Variants in TSPAN5 observed in about 807,000 individuals in gnomAD.
TSPAN5 encodes the protein tetraspanin 5.
TSPAN5 carries 10 observed loss-of-function variants against 37.1 expected under a neutral mutation model. The ratio of observed to expected loss-of-function variants is 0.27; its 90% CI spans 0.17 to 0.46. The LOEUF is 0.46. Ranked by LOEUF, TSPAN5 falls within the 20% of genes least tolerant of loss-of-function variation. TSPAN5 has a pLI of 1.00. For synonymous variants in TSPAN5, 110 were observed against 118.9 expected (o/e 0.93, Z 0.48); for missense variants, 195 against 326.6 (o/e 0.60, Z 3.11).
intron 1 of TSPAN5, among the ~76,000 whole-genome samples, chr4:98,584,759 C>T (rs1432432699): frequency 1.3e-5 from 2 of 152,150 alleles, no homozygotes; most frequent in Admixed American, 1.3e-4. Context: ...ATAGGCCTAT[C>T]GCCACTGCAA....
chr4:98,496,915 C>T (rs1753224699), intron 2 of TSPAN5, among the ~76,000 whole-genome samples: 1 of 152,184 alleles, frequency 6.6e-6, no homozygotes, highest in African/African-American at 2.4e-5. Context: ...CCCAAATTCA[C>T]ATTCTGATAC....
At chr4:98,545,056 C>T (rs993806439) in intron 1 of TSPAN5, among the ~76,000 whole-genome samples, 3 of 152,118 alleles carry the variant, frequency 2.0e-5, no homozygotes, top group African/African-American at 4.8e-5. Context: ...CTCATGGCTC[C>T]GTGACCGACA....
chr4:98,658,006 A>G, intron 1 of TSPAN5, 140 bp downstream of exon 1: 1 of 777,044 alleles, frequency 1.3e-6, no homozygotes, highest in Non-Finnish European at 2.3e-6. Context: ...CAAGCTGGAA[A>G]GGCGGAAGGC....
chr4:98,566,375 T>G (rs1035934229), intron 1 of TSPAN5, among the ~76,000 whole-genome samples: 2 of 151,844 alleles, frequency 1.3e-5, no homozygotes, highest in Admixed American at 6.6e-5. Flanking sequence ...GAGGGATGCA[T>G]CTCTCCCCTA....
intron 7 of TSPAN5, among the ~76,000 whole-genome samples, chr4:98,474,096 T>C (rs1752643808): frequency 6.6e-6 from 1 of 152,286 alleles, no homozygotes. Flanking sequence ...TTTGATGTCA[T>C]ATCTAAGAAG....
intron 1 of TSPAN5, among the ~76,000 whole-genome samples, chr4:98,590,117 A>C (rs1404846438): frequency 1.3e-5 from 2 of 152,082 alleles, no homozygotes; most frequent in Non-Finnish European, 2.9e-5. Context: ...CACTACCCCC[A>C]CTTCAAAAGG....
intron 1 of TSPAN5, among the ~76,000 whole-genome samples, chr4:98,557,384 A>G (rs1022887225): frequency 2.0e-5 from 3 of 152,216 alleles, no homozygotes; most frequent in Non-Finnish European, 4.4e-5. Flanking sequence ...GGGGAGGAAT[A>G]CAAATTCTAC....
At chr4:98,591,758 C>T (rs1254060809) in intron 1 of TSPAN5, among the ~76,000 whole-genome samples, 1 of 147,352 alleles carries the variant, frequency 6.8e-6, no homozygotes, top group Non-Finnish European at 1.5e-5. Context: ...ATTACATGTG[C>T]TTACATATTT....
intron 1 of TSPAN5, among the ~76,000 whole-genome samples, chr4:98,541,686 AAAAAAAAAAG>A (rs2110141987): frequency 8.5e-6 from 1 of 117,948 alleles, no homozygotes; most frequent in African/African-American, 2.9e-5. Flanking sequence ...AAAAAAAAAA[AAAAAAAAAAG>A]AGAGAGAGAG....
At chr4:98,608,078 A>G (rs1756083028) in intron 1 of TSPAN5, among the ~76,000 whole-genome samples, 1 of 152,208 alleles carries the variant, frequency 6.6e-6, no homozygotes, top group Non-Finnish European at 1.5e-5. Context: ...TCAAAAAATA[A>G]GTTTAATGTT....
chr4:98,508,522 C>CTTTTT (rs34342433), intron 1 of TSPAN5, among the ~76,000 whole-genome samples: 7 of 121,924 alleles, frequency 5.7e-5, no homozygotes, highest in South Asian at 2.8e-4. Context: ...TACTGTTTTT[C>CTTTTT]TTTTTTTTTT....
At position 98,484,923 on chromosome 4, in the gene TSPAN5, G is replaced by A. The variant is rs577942494; in HGVS notation, c.279+1815C>T. Reference sequence around the variant, plus strand: ...AGGTCGGGAGTTTGAGACCAGCCTGGCCAACATGGTGAAACCCCATCTCTA... The same window carrying A: ...AGGTCGGGAGTTTGAGACCAGCCTGACCAACATGGTGAAACCCCATCTCTA... On this transcript the variant is annotated intron_variant, in intron 3 of 7. Transcript: ENST00000305798. 2.9e-4 allele frequency: 57 copies of A among 194,010 alleles called. No individual in the cohort carries two copies. In the South Asian group the frequency reaches 4.5e-3, roughly 15 times the overall value. The allele number at this position is 194,010 out of a possible 1,614,324, so 12.0% of individuals were successfully genotyped here. A position where few individuals can be genotyped will look rare whatever the true frequency, so the allele number is the denominator to read the frequency against.
In TSPAN5 at chr4:98,486,939, A is replaced by G. The variant is rs1319788333; in HGVS notation, c.133-55T>C. ...CACGGGGATGTGGGGTCAGTTTTCCAACATGTAAAGATTATTGCATTTGTC... is the reference window on the plus strand; with the variant it reads ...CACGGGGATGTGGGGTCAGTTTTCCGACATGTAAAGATTATTGCATTTGTC... On this transcript the variant is annotated intron_variant, in intron 2 of 7. Coordinates refer to ENST00000305798, the MANE Select transcript of TSPAN5 (RefSeq NM_005723.4). The G allele has an allele frequency of 1.6e-5, 26 of 1,589,334 alleles. No homozygotes were observed. In the Admixed American group the frequency reaches 4.0e-4, roughly 24 times the overall value.
intron 1 of TSPAN5, among the ~76,000 whole-genome samples, chr4:98,589,536 C>T (rs554783228): frequency 2.0e-5 from 3 of 152,294 alleles, no homozygotes; most frequent in African/African-American, 4.8e-5. Flanking sequence ...CTGATGAGGG[C>T]ATGAGGGGCA....
chr4:98,617,711 C>T (rs1371623687), intron 1 of TSPAN5, among the ~76,000 whole-genome samples: 1 of 152,196 alleles, frequency 6.6e-6, no homozygotes, highest in Non-Finnish European at 1.5e-5. Context: ...AGTTTCCCAC[C>T]TCACTGTTGT....
At chr4:98,622,544 T>C (rs760949188) in intron 1 of TSPAN5, among the ~76,000 whole-genome samples, 9 of 152,262 alleles carry the variant, frequency 5.9e-5, no homozygotes, top group Middle Eastern at 3.4e-3. Flanking sequence ...TGTCTGAGGG[T>C]TCTCTGGAGG....
At chr4:98,579,067 G>T (rs1755310466) in intron 1 of TSPAN5, among the ~76,000 whole-genome samples, 1 of 152,076 alleles carries the variant, frequency 6.6e-6, no homozygotes, top group South Asian at 2.1e-4. Flanking sequence ...CTGGATGGGG[G>T]GCTCTGGTGG....
chr4:98,490,600 T>C (rs761395485), intron 2 of TSPAN5, among the ~76,000 whole-genome samples: 3 of 152,202 alleles, frequency 2.0e-5, no homozygotes, highest in Non-Finnish European at 4.4e-5. Flanking sequence ...CCACAAAGCA[T>C]AGGAAAGACT....
At chr4:98,592,555 T>A in intron 1 of TSPAN5, among the ~76,000 whole-genome samples, 1 of 148,996 alleles carries the variant, frequency 6.7e-6, no homozygotes, top group East Asian at 2.0e-4. Flanking sequence ...CGTCTAGCAT[T>A]AGGTATATCT....
Sources: gnomAD v4.1 joint callset for allele counts (sites outside exome capture counted in the v4.1 genomes callset) on GRCh38, gnomAD v4.1.1 for gene constraint, MANE v1.5 for transcripts, NCBI Gene and HGNC (gene_info 2026-07-23, HGNC 2026-07-21) for gene names.